NAMPT: variants seen among roughly 807,000 people sequenced by gnomAD.
The protein encoded by NAMPT is nicotinamide phosphoribosyltransferase, also known as NAmPRTase.
Under a neutral mutation model 58.7 loss-of-function variants are expected in NAMPT, and 7 were observed. The ratio of observed to expected loss-of-function variants is 0.12; its 90% CI spans 0.07 to 0.22. The LOEUF (loss-of-function observed/expected upper bound fraction) is 0.22. Ranked by LOEUF, NAMPT falls within the 10% of genes least tolerant of loss-of-function variation. The probability of loss-of-function intolerance (pLI) is 1.00; values close to 1 mark genes in which losing one functional copy is unlikely to be tolerated. For synonymous variants in NAMPT, 145 were observed against 198.1 expected (o/e 0.73, Z 2.25); for missense variants, 271 against 567.9 (o/e 0.48, Z 5.31).
At chr7:106,255,701 C>A (rs190543089) in intron 8 of NAMPT, among the ~76,000 whole-genome samples, 2 of 152,144 alleles carry the variant, frequency 1.3e-5, no homozygotes, top group African/African-American at 4.8e-5. Context: ...TTAGGATGCA[C>A]GCAAATCCAG....
intron 8 of NAMPT, among the ~76,000 whole-genome samples, chr7:106,254,728 G>A (rs1396245871): frequency 6.6e-6 from 1 of 152,158 alleles, no homozygotes; most frequent in Non-Finnish European, 1.5e-5. Flanking sequence ...AATCTGCATT[G>A]CTGTCACTGT....
chr7:106,281,026 A>C lies in NAMPT; in HGVS notation c.57+3802T>G, dbSNP rs144472213. ...GTTGTGTGATTAATTTACTTCATGA[A>C]AGGATAAACTTCTAAAAATTATTAC... On this transcript the variant is annotated intron_variant, in intron 1 of 10. Transcript: ENST00000222553. 2.3e-4 allele frequency among the ~76,000 whole-genome samples: 35 copies of C among 150,762 alleles called. No individual in the cohort carries two copies. The East Asian group carries it at 6.8e-3, about 29-fold the overall frequency.
At position 106,254,618 on chromosome 7, in the gene NAMPT, G is replaced by A. The variant is rs1792167655; in HGVS notation, c.1090-114C>T. The A allele has an allele frequency of 1.5e-5, 18 of 1,169,504 alleles. No homozygotes were observed. In the South Asian group the frequency reaches 1.6e-4, roughly 11 times the overall value. The allele number at this position is 1,169,504 out of a possible 1,614,324, so 72.4% of individuals were successfully genotyped here. ...AGCATCCAAGACTGTTTTATAACACGGTCAATAAATAATTATAGCCCGCAT... is the reference window on the plus strand; with the variant it reads ...AGCATCCAAGACTGTTTTATAACACAGTCAATAAATAATTATAGCCCGCAT... On this transcript the variant is annotated intron_variant, in intron 8 of 10. Coordinates refer to ENST00000222553, the MANE Select transcript of NAMPT (RefSeq NM_005746.3).
intron 7 of NAMPT, chr7:106,263,132 T>A (rs1792340804): frequency 2.2e-6 from 1 of 445,982 alleles, no homozygotes; most frequent in South Asian, 3.6e-5. Context: ...ATGCTGTTAA[T>A]TAATTTTGCA....
intron 4 of NAMPT, among the ~76,000 whole-genome samples, chr7:106,271,464 T>C (rs981058033): frequency 2.0e-5 from 3 of 152,224 alleles, no homozygotes; most frequent in Admixed American, 1.3e-4. Context: ...TAAAACATCT[T>C]ACTCTAACTT....
intron 8 of NAMPT, among the ~76,000 whole-genome samples, chr7:106,259,951 AACAGAC>A (rs1792275078): frequency 1.3e-5 from 2 of 151,232 alleles, no homozygotes; most frequent in Non-Finnish European, 2.9e-5. Flanking sequence ...CTATGATGTA[AACAGAC>A]ATGCTGTCAT....
At chr7:106,251,929 T>C (rs879341519) in intron 10 of NAMPT, among the ~76,000 whole-genome samples, 1 of 152,070 alleles carries the variant, frequency 6.6e-6, no homozygotes, top group Non-Finnish European at 1.5e-5. Context: ...ACAGAAGTAA[T>C]CTCAATTTTC....
At position 106,275,228 on chromosome 7, in the gene NAMPT, A is replaced by G. The variant is rs112975745; in HGVS notation, c.215-179T>C. ...GTCAGAAAAGGAATTTGTACTTTTA[A>G]TAACTCAAAGTATAAATGTTTATTT... On this transcript the variant is annotated intron_variant, in intron 2 of 10. Transcript: ENST00000222553. The G allele has an allele frequency of 6.9e-3, 2,870 of 414,166 alleles. 85 individuals are homozygous for G. The highest frequency in any genetic ancestry group is 0.054 in the African/African-American group (2,646 of 48,868). 25.7% of individuals were successfully genotyped at this position (414,166 alleles called of 1,614,324 possible).
chr7:106,285,338 C>G (rs1262782285), upstream of NAMPT: 1 of 463,242 alleles, frequency 2.2e-6, no homozygotes, highest in South Asian at 8.1e-5. Flanking sequence ...GTTCCCGGCA[C>G]GGGCGCGGGA....
chr7:106,278,609 C>T (rs963937566), intron 1 of NAMPT, among the ~76,000 whole-genome samples: 1 of 152,148 alleles, frequency 6.6e-6, no homozygotes, highest in Admixed American at 6.5e-5. Flanking sequence ...AAATTTATGT[C>T]AATTCACTAA....
At chr7:106,264,671 C>T (rs911119846) in intron 6 of NAMPT, among the ~76,000 whole-genome samples, 1 of 152,026 alleles carries the variant, frequency 6.6e-6, no homozygotes, top group African/African-American at 2.4e-5. Context: ...TCTCAAACAA[C>T]TTAATTTTGA....
intron 8 of NAMPT, among the ~76,000 whole-genome samples, chr7:106,259,875 A>C (rs980429735): frequency 1.5e-5 from 2 of 134,136 alleles, no homozygotes; most frequent in African/African-American, 5.4e-5. Context: ...ATTTCGAAAC[A>C]ATCTTTTTTT....
intron 8 of NAMPT, among the ~76,000 whole-genome samples, chr7:106,258,034 G>A (rs1188589955): frequency 1.3e-5 from 2 of 152,252 alleles, no homozygotes; most frequent in Non-Finnish European, 2.9e-5. Context: ...TGTGTCAGCT[G>A]AGATTGCTAT....
intron 4 of NAMPT, 37 bp downstream of exon 4, chr7:106,272,493 C>T (rs1792555784): frequency 6.5e-7 from 1 of 1,547,856 alleles, no homozygotes; most frequent in Non-Finnish European, 8.8e-7. Context: ...GGTCTTTATT[C>T]AATTAATGTT....
chr7:106,257,722 A>C (rs1248085474), intron 8 of NAMPT, among the ~76,000 whole-genome samples: 2 of 152,160 alleles, frequency 1.3e-5, no homozygotes, highest in Non-Finnish European at 2.9e-5. Context: ...TTTTGAAAGG[A>C]AAGTTTTGAG....
chr7:106,259,981 T>G (rs1792275520), intron 8 of NAMPT, among the ~76,000 whole-genome samples: 1 of 151,946 alleles, frequency 6.6e-6, no homozygotes, highest in African/African-American at 2.4e-5. Flanking sequence ...GGCTTTGTTG[T>G]TCCATTTATA....
At chr7:106,274,303 T>G (rs142749801) in intron 3 of NAMPT, among the ~76,000 whole-genome samples, 10 of 152,178 alleles carry the variant, frequency 6.6e-5, no homozygotes, top group Non-Finnish European at 1.0e-4. Flanking sequence ...TAGTGTATTT[T>G]CAAGAATGAA....
chr7:106,262,689 T>C (rs1562814295), intron 7 of NAMPT, among the ~76,000 whole-genome samples: 1 of 152,162 alleles, frequency 6.6e-6, no homozygotes, highest in East Asian at 1.9e-4. Context: ...TGACTCCTTA[T>C]CTTTCATGTT....
intron 1 of NAMPT, among the ~76,000 whole-genome samples, chr7:106,281,165 AC>A (rs1311733550): frequency 6.6e-6 from 1 of 151,738 alleles, no homozygotes. Flanking sequence ...ACCAACTGTA[AC>A]AAAAAATTAG....
Sources: allele counts gnomAD v4.1 joint callset (sites outside exome capture counted in the v4.1 genomes callset), GRCh38; gene constraint gnomAD v4.1.1; transcripts MANE v1.5; gene names NCBI Gene and HGNC (gene_info 2026-07-23, HGNC 2026-07-21).